The following MAN1C1 variants were observed in gnomAD, a reference collection of about 807,000 sequenced individuals.
The protein encoded by MAN1C1 is mannosidase alpha class 1C member 1, also known as mannosyl-oligosaccharide 1,2-alpha-mannosidase IC.
Under a neutral mutation model 71.5 loss-of-function variants are expected in MAN1C1, and 49 were observed. That is an observed-to-expected ratio of 0.69 (90% CI 0.54 to 0.87). MAN1C1 has a LOEUF of 0.87. Ranked by LOEUF, MAN1C1 falls within the 40% of genes least tolerant of loss-of-function variation. The pLI is 0.00. For missense variants in MAN1C1, 743 were observed against 835.0 expected (o/e 0.89, Z 1.36); for synonymous variants, 352 against 343.7 (o/e 1.02, Z -0.27).
In MAN1C1 at chr1:25,747,247, G is replaced by A. The variant is rs2047142783; in HGVS notation, c.753+464G>A. Among the ~76,000 whole-genome samples, 3 of 152,168 alleles carry A rather than the reference G, an allele frequency of 2.0e-5. No individual in the cohort carries two copies. In the South Asian group the frequency reaches 6.2e-4, roughly 31 times the overall value. ...GGCCGGGTGGGGTGGGCGTGGAGTG[G>A]GTGGTGCATATCCCTTTGCAGACCC... is the stretch of plus-strand genomic sequence containing the variant. On this transcript the variant is annotated intron_variant, in intron 3 of 11. Coordinates refer to ENST00000374332, the MANE Select transcript of MAN1C1 (RefSeq NM_020379.4).
intron 1 of MAN1C1, among the ~76,000 whole-genome samples, chr1:25,677,847 T>C (rs2369041): frequency 1.1e-5 from 1 of 91,064 alleles, no homozygotes; most frequent in Non-Finnish European, 1.9e-5. Context: ...AAAGACCTCC[T>C]TTTTTTTTTT....
At chr1:25,768,678 T>C (rs2047496605) in intron 7 of MAN1C1, among the ~76,000 whole-genome samples, 1 of 82,414 alleles carries the variant, frequency 1.2e-5, no homozygotes, top group Admixed American at 1.5e-4. Flanking sequence ...ACCCCTCACA[T>C]ACATCCACGC....
chr1:25,780,797 C>A (rs1345435956), intron 9 of MAN1C1, 143 bp from the exon 10 acceptor site: 2 of 771,490 alleles, frequency 2.6e-6, no homozygotes, highest in Non-Finnish European at 4.3e-6. Context: ...CCTTACACAG[C>A]AGTCCAGGCA....
intron 2 of MAN1C1, among the ~76,000 whole-genome samples, chr1:25,690,543 G>T (rs1028444845): frequency 2.0e-5 from 3 of 152,150 alleles, no homozygotes; most frequent in Non-Finnish European, 4.4e-5. Flanking sequence ...TTCCCTCCTC[G>T]GCTTCCCAAA....
intron 1 of MAN1C1, among the ~76,000 whole-genome samples, chr1:25,620,507 AC>A: frequency 6.6e-6 from 1 of 152,314 alleles, no homozygotes; most frequent in South Asian, 2.1e-4. Context: ...CCCAGGAAGA[AC>A]GCATATGATG....
At chr1:25,712,325 C>T (rs1210378059) in intron 2 of MAN1C1, among the ~76,000 whole-genome samples, 1 of 152,174 alleles carries the variant, frequency 6.6e-6, no homozygotes, top group Non-Finnish European at 1.5e-5. Flanking sequence ...TTGTTGATTT[C>T]ACTTGCTGTA....
intron 2 of MAN1C1, chr1:25,710,032 C>T (rs1572166339): frequency 6.6e-6 from 1 of 152,344 alleles, no homozygotes; most frequent in Admixed American, 6.5e-5. Flanking sequence ...AGGCATGAGC[C>T]ACTGAGCCCA....
At chr1:25,721,336 T>A (rs958083648) in intron 2 of MAN1C1, among the ~76,000 whole-genome samples, 21 of 152,180 alleles carry the variant, frequency 1.4e-4, no homozygotes, top group Non-Finnish European at 1.8e-4. Context: ...GTTGGGATTT[T>A]GATAGGGATT....
chr1:25,708,891 A>G (rs1206233208), intron 2 of MAN1C1, among the ~76,000 whole-genome samples: 1 of 149,818 alleles, frequency 6.7e-6, no homozygotes, highest in African/African-American at 2.5e-5. Flanking sequence ...TCAAAAGAAG[A>G]AAAAAAAAAG....
chr1:25,623,425 T>C (rs2045245637), intron 1 of MAN1C1, among the ~76,000 whole-genome samples: 1 of 150,542 alleles, frequency 6.6e-6, no homozygotes, highest in Non-Finnish European at 1.5e-5. Flanking sequence ...AAAAGTCTGC[T>C]GCCTATTTCA....
At chr1:25,638,687 G>A (rs2982304) in intron 1 of MAN1C1, among the ~76,000 whole-genome samples, 62,548 of 151,814 alleles carry the variant, frequency 0.41, 16,339 homozygotes, top group African/African-American at 0.72. Context: ...CTTTCTTTAC[G>A]CCAAAGATGT....
At chr1:25,691,715 C>G (rs1408227512) in intron 2 of MAN1C1, among the ~76,000 whole-genome samples, 1 of 152,158 alleles carries the variant, frequency 6.6e-6, no homozygotes, top group Non-Finnish European at 1.5e-5. Context: ...CCCCAGCCCT[C>G]AAATGCCCAT....
At chr1:25,706,584 T>A (rs949990907) in intron 2 of MAN1C1, among the ~76,000 whole-genome samples, 1 of 151,708 alleles carries the variant, frequency 6.6e-6, no homozygotes, top group African/African-American at 2.4e-5. Flanking sequence ...AGCCTGGGAG[T>A]CTGAGTCCTC....
intron 2 of MAN1C1, among the ~76,000 whole-genome samples, chr1:25,744,602 C>T (rs188347129): frequency 6.6e-6 from 1 of 152,288 alleles, no homozygotes; most frequent in East Asian, 1.9e-4. Context: ...CTTTGACCTC[C>T]AGCCTCATCT....
At chr1:25,642,329 G>A (rs1192950415) in intron 1 of MAN1C1, among the ~76,000 whole-genome samples, 1 of 152,204 alleles carries the variant, frequency 6.6e-6, no homozygotes, top group Non-Finnish European at 1.5e-5. Flanking sequence ...AGGAGATACT[G>A]AAGAAGTGAA....
rs1440822133 is a variant in MAN1C1, at chr1:25,770,733, C to G, written c.1142-924C>G. Among the ~76,000 whole-genome samples the G allele has an allele frequency of 4.0e-5, 6 of 151,244 alleles. No homozygotes were observed. In the South Asian group the frequency reaches 8.5e-4, roughly 22 times the overall value. On this transcript the variant is annotated intron_variant, in intron 7 of 11. Coordinates refer to ENST00000374332, the MANE Select transcript of MAN1C1 (RefSeq NM_020379.4). ...TCCCCCCGCCCACTTTCCTTCTCCC[C>G]TCTCTGTCTGCCCCCTTCTTCTGCT...
intron 1 of MAN1C1, among the ~76,000 whole-genome samples, chr1:25,678,049 T>C (rs2046094586): frequency 6.6e-6 from 1 of 151,864 alleles, no homozygotes; most frequent in South Asian, 2.1e-4. Flanking sequence ...AAAATATAGG[T>C]CAATAAGAAG....
At chr1:25,667,723 G>A (rs571153227) in intron 1 of MAN1C1, among the ~76,000 whole-genome samples, 2 of 152,074 alleles carry the variant, frequency 1.3e-5, no homozygotes, top group Admixed American at 6.6e-5. Context: ...AGAACACAGC[G>A]CTTTAGCTCA....
chr1:25,780,793 A>G, intron 9 of MAN1C1, 147 bp from the exon 10 acceptor site: 1 of 755,702 alleles, frequency 1.3e-6, no homozygotes, highest in Non-Finnish European at 2.2e-6. Context: ...GCAGCCTTAC[A>G]CAGCAGTCCA....
Sources: gnomAD v4.1 joint callset for allele counts (sites outside exome capture counted in the v4.1 genomes callset) on GRCh38, gnomAD v4.1.1 for gene constraint, MANE v1.5 for transcripts, NCBI Gene and HGNC (gene_info 2026-07-23, HGNC 2026-07-21) for gene names.